The following CERS6 variants were observed in gnomAD, a reference collection of about 807,000 sequenced individuals.
The protein encoded by CERS6 is ceramide synthase 6, also known as LAG1 homolog, ceramide synthase 6.
Under a neutral mutation model 56.8 loss-of-function variants are expected in CERS6, and 26 were observed. That is an observed-to-expected ratio of 0.46 (90% CI 0.34 to 0.63). The LOEUF (loss-of-function observed/expected upper bound fraction) is 0.63. Ranked by LOEUF, CERS6 falls within the 30% of genes least tolerant of loss-of-function variation. The pLI, the probability that CERS6 is intolerant of heterozygous loss-of-function variation, is 0.01. For missense variants in CERS6, 415 were observed against 467.5 expected (o/e 0.89, Z 1.04); for synonymous variants, 164 against 173.3 (o/e 0.95, Z 0.42).
intron 8 of CERS6, among the ~76,000 whole-genome samples, chr2:168,761,552 G>T (rs982916773): frequency 2.0e-5 from 3 of 152,196 alleles, no homozygotes; most frequent in African/African-American, 7.2e-5. Flanking sequence ...TGTGTAGTAT[G>T]TCAAGAAGCA....
At chr2:168,512,364 TA>T (rs935374032) in intron 1 of CERS6, among the ~76,000 whole-genome samples, 1 of 151,832 alleles carries the variant, frequency 6.6e-6, no homozygotes, top group Non-Finnish European at 1.5e-5. Flanking sequence ...TTACCACAAT[TA>T]AAAAAAAGAT....
intron 3 of CERS6, among the ~76,000 whole-genome samples, chr2:168,571,616 G>A (rs1209505824): frequency 1.3e-5 from 2 of 152,060 alleles, no homozygotes; most frequent in African/African-American, 2.4e-5. Context: ...CCCTCCACAT[G>A]ATAGGAAACT....
intron 1 of CERS6, among the ~76,000 whole-genome samples, chr2:168,517,527 A>AAT (rs764294452): frequency 4.9e-4 from 74 of 150,930 alleles, no homozygotes; most frequent in African/African-American, 1.7e-3. Context: ...ATAAATAATA[A>AAT]AATAAAATAA....
intron 6 of CERS6, among the ~76,000 whole-genome samples, chr2:168,714,476 G>A (rs1687178156): frequency 6.6e-6 from 1 of 152,212 alleles, no homozygotes; most frequent in Non-Finnish European, 1.5e-5. Context: ...AGTAGTCAGA[G>A]AAGTGGTCCA....
chr2:168,592,970 T>G (rs1352059061), intron 3 of CERS6, among the ~76,000 whole-genome samples: 1 of 152,228 alleles, frequency 6.6e-6, no homozygotes, highest in Non-Finnish European at 1.5e-5. Flanking sequence ...GTGTTACTTC[T>G]GCAGAAGCTG....
At chr2:168,745,699 A>G (rs754748091) in intron 8 of CERS6, among the ~76,000 whole-genome samples, 6 of 152,242 alleles carry the variant, frequency 3.9e-5, no homozygotes, top group East Asian at 1.9e-4. Flanking sequence ...TAAATCAAGT[A>G]TATTCAGACC....
chr2:168,644,571 GCAGCCATGCTCCTTGTTGT>G (rs1238235655), intron 4 of CERS6, among the ~76,000 whole-genome samples: 1 of 152,178 alleles, frequency 6.6e-6, no homozygotes, highest in Non-Finnish European at 1.5e-5. Flanking sequence ...AGCCACTGCA[GCAGCCATGCTCCTTGTTGT>G]CCCTGGCATT....
chr2:168,590,341 G>A (rs1309582322), intron 3 of CERS6, among the ~76,000 whole-genome samples: 1 of 152,128 alleles, frequency 6.6e-6, no homozygotes, highest in East Asian at 1.9e-4. Flanking sequence ...TCATATAAAC[G>A]ATGTTATCAG....
intron 1 of CERS6, among the ~76,000 whole-genome samples, chr2:168,494,786 A>G (rs1280933422): frequency 6.6e-6 from 1 of 152,116 alleles, no homozygotes; most frequent in African/African-American, 2.4e-5. Context: ...TAGCTTTTTC[A>G]CTTAGCATTC....
intron 3 of CERS6, among the ~76,000 whole-genome samples, chr2:168,595,453 A>G (rs554694879): frequency 1.3e-5 from 2 of 152,330 alleles, no homozygotes; most frequent in African/African-American, 2.4e-5. Flanking sequence ...GTAAAAATCA[A>G]TGATTGAAAG....
intron 1 of CERS6, among the ~76,000 whole-genome samples, chr2:168,478,719 C>T (rs907093499): frequency 3.2e-4 from 48 of 152,182 alleles, no homozygotes; most frequent in African/African-American, 1.1e-3. Context: ...GGTTAGGCTT[C>T]AGCTATCTCC....
chr2:168,531,268 T>G (rs571576624), intron 1 of CERS6, among the ~76,000 whole-genome samples: 1 of 152,288 alleles, frequency 6.6e-6, no homozygotes, highest in East Asian at 1.9e-4. Context: ...ATTTTGAGTA[T>G]GATGAAAAAC....
chr2:168,647,452 G>T (rs111520942), intron 4 of CERS6, among the ~76,000 whole-genome samples: 5,025 of 152,222 alleles, frequency 0.033, 262 homozygotes, highest in African/African-American at 0.11. Context: ...GAATCATGTT[G>T]TCTGCAAACA....
chr2:168,461,786 AC>A (rs1454690361), intron 1 of CERS6, among the ~76,000 whole-genome samples: 5 of 152,208 alleles, frequency 3.3e-5, no homozygotes, highest in African/African-American at 1.2e-4. Flanking sequence ...TGAAATTAAT[AC>A]CCTGAGTTCA....
In CERS6 at chr2:168,740,346, A is replaced by G. The variant is rs543040728; in HGVS notation, c.845+22368A>G. On this transcript the variant is annotated intron_variant, in intron 8 of 9. Coordinates refer to ENST00000305747, the MANE Select transcript of CERS6 (RefSeq NM_203463.3). ...TTCAGAGTTAGAAAATATTAAGGCC[A>G]TTCTAATTATAGAAAAATTCCATTT... Among the ~76,000 whole-genome samples the G allele has an allele frequency of 6.0e-4, 91 of 152,360 alleles. 2 individuals carry two copies. In the South Asian group the frequency reaches 0.018, roughly 31 times the overall value.
chr2:168,754,380 T>G (rs960932616), intron 8 of CERS6, among the ~76,000 whole-genome samples: 1 of 152,174 alleles, frequency 6.6e-6, no homozygotes, highest in Non-Finnish European at 1.5e-5. Context: ...TTTCAGAAAT[T>G]TTTTCAGATC....
intron 3 of CERS6, among the ~76,000 whole-genome samples, chr2:168,590,019 C>T (rs778227969): frequency 7.9e-5 from 12 of 152,170 alleles, no homozygotes; most frequent in African/African-American, 2.7e-4. Context: ...GCCTGAAATT[C>T]GTTAAACCAG....
chr2:168,652,279 C>T (rs926834093), intron 4 of CERS6, among the ~76,000 whole-genome samples: 1 of 152,068 alleles, frequency 6.6e-6, no homozygotes, highest in Non-Finnish European at 1.5e-5. Flanking sequence ...GGATTTTTGC[C>T]TCTGTTCAAG....
chr2:168,592,183 A>T (rs1400181579), intron 3 of CERS6, among the ~76,000 whole-genome samples: 1 of 152,224 alleles, frequency 6.6e-6, no homozygotes, highest in Non-Finnish European at 1.5e-5. Flanking sequence ...GGGGTGAGTG[A>T]ACAATGTTTT....
Sources: gnomAD v4.1 joint callset for allele counts (sites outside exome capture counted in the v4.1 genomes callset) on GRCh38, gnomAD v4.1.1 for gene constraint, MANE v1.5 for transcripts, NCBI Gene and HGNC (gene_info 2026-07-23, HGNC 2026-07-21) for gene names.